Variants in KRT35 observed in about 807,000 individuals in gnomAD.
The protein encoded by KRT35 is keratin 35.
KRT35 carries 33 observed loss-of-function variants against 42.2 expected under a neutral mutation model. That is an observed-to-expected ratio of 0.78 (90% CI 0.59 to 1.05). The LOEUF (loss-of-function observed/expected upper bound fraction) is 1.05, where lower values mean the gene tolerates loss of function less well. Ranked by LOEUF, KRT35 falls within the 50% of genes least tolerant of loss-of-function variation. The pLI is 0.00. For missense variants in KRT35, 585 were observed against 589.2 expected, an observed-to-expected ratio of 0.99 and a Z score of 0.07; for synonymous variants, 218 against 238.2, an observed-to-expected ratio of 0.92 and a Z score of 0.78.
chr17:41,477,062 C>A lies in KRT35; in HGVS notation c.1362G>T (p.Arg454=). 1 of 1,565,324 alleles carries A rather than the reference C, an allele frequency of 6.4e-7. No individual in the cohort carries two copies. Among genetic ancestry groups the A allele is most frequent in the Non-Finnish European group, 8.6e-7 (1 of 1,161,040 alleles). Residue 454 remains arginine (R), a synonymous_variant, in exon 7 of 7, where the codon CGG becomes CGT. Coordinates refer to ENST00000246639, the MANE Select transcript of KRT35 (RefSeq NM_002280.6). The stretch of plus-strand genomic sequence containing the variant: ...CCATCTGGGTCACCCGCTCTCAGAA[C>A]CGACCCCCTGGGCAGGGCACACAAA... ...RPICVPCPGG[R]F
chr17:41,479,570 A>G (rs1597750167), intron 2 of KRT35, 67 bp from the exon 3 acceptor site: 1 of 1,588,172 alleles, frequency 6.3e-7, no homozygotes, highest in Non-Finnish European at 8.6e-7. Flanking sequence ...GCCTGCCCTC[A>G]GACTGTCCAG....
Position 41,478,408 on chromosome 17 carries a change from G to A in KRT35, c.952C>T (p.Arg318Cys), listed in dbSNP as rs368478762. Residue 318 changes from arginine to cysteine, a missense_variant, in exon 5 of 7, where the codon CGC (arginine) becomes TGC (cysteine). Coordinates refer to ENST00000246639, the MANE Select transcript of KRT35 (RefSeq NM_002280.6). ...TCAATCTCCAGGGCGTTGACCGTGCGTCTCAGCTCGATGATCTCTGCCTGG... is the reference window on the plus strand; with the variant it reads ...TCAATCTCCAGGGCGTTGACCGTGCATCTCAGCTCGATGATCTCTGCCTGG... ...SCQAEIIELR[R>C]TVNALEIELQ... 31 of 1,613,976 alleles carry A rather than the reference G, an allele frequency of 1.9e-5. No individual in the cohort carries two copies. Among genetic ancestry groups the A allele is most frequent in the Admixed American group, 1.7e-4 (10 of 60,008 alleles).
chr17:41,480,585 C>T (rs1484323122), intron 1 of KRT35, 42 bp downstream of exon 1: 3 of 1,491,348 alleles, frequency 2.0e-6, no homozygotes. Flanking sequence ...ATGCTGGTGA[C>T]ACAAAGTTCC....
chr17:41,480,473 G>C (rs991934787), intron 1 of KRT35, among the ~76,000 whole-genome samples, 154 bp downstream of exon 1: 3 of 152,186 alleles, frequency 2.0e-5, no homozygotes, highest in Non-Finnish European at 4.4e-5. Flanking sequence ...ATGGGCTAAT[G>C]ATACCTCCCT....
intron 1 of KRT35, among the ~76,000 whole-genome samples, chr17:41,480,179 C>G (rs77272377): frequency 6.6e-6 from 1 of 152,096 alleles, no homozygotes; most frequent in African/African-American, 2.4e-5. Context: ...TTGGGCCAGG[C>G]GAGAAGTGGA....
intron 4 of KRT35, 117 bp from the exon 5 acceptor site, chr17:41,478,603 T>C: frequency 1.5e-6 from 2 of 1,325,878 alleles, no homozygotes; most frequent in Non-Finnish European, 2.1e-6. Context: ...CCAGTCCCAC[T>C]CATTTATTTT....
rs753021122 is a variant in KRT35 at position 41,477,772 on chromosome 17, G to A, written c.1000-34C>T. Reference sequence around the variant, plus strand: ...GCAAGAGTTGTGTAGGGAGGAAAAAGGCTAGAGGTCAGAGAAGGAGCAAGG... The same window carrying A: ...GCAAGAGTTGTGTAGGGAGGAAAAAAGCTAGAGGTCAGAGAAGGAGCAAGG... On this transcript the variant is annotated intron_variant, in intron 5 of 6. Transcript: ENST00000246639. 3.8e-6 allele frequency: 6 copies of A among 1,596,258 alleles called. No individual in the cohort carries two copies. In the East Asian group the frequency reaches 1.1e-4, roughly 30 times the overall value.
chr17:41,478,712 T>A, intron 4 of KRT35, 122 bp downstream of exon 4: 1 of 1,193,474 alleles, frequency 8.4e-7, no homozygotes, highest in Non-Finnish European at 1.2e-6. Flanking sequence ...TGTTTTGACC[T>A]TGTCAGCAAG....
chr17:41,476,853 G>T lies in KRT35; in HGVS notation c.*203C>A. On this transcript the variant is annotated 3_prime_UTR_variant, in exon 7 of 7. Coordinates refer to ENST00000246639, the MANE Select transcript of KRT35 (RefSeq NM_002280.6). ...CCCTGGCACCCATTGAAATGATGAG[G>T]AGTTGAGACCTTTGGGGGCAGCCGG... The T allele has an allele frequency of 2.0e-6, 1 of 495,890 alleles. No individual in the cohort carries two copies. Among genetic ancestry groups the T allele is most frequent in the Non-Finnish European group, 3.5e-6 (1 of 287,862 alleles). The allele number at this position is 495,890 out of a possible 1,614,324, so 30.7% of individuals were successfully genotyped here. A position where few individuals can be genotyped will look rare whatever the true frequency, so the allele number is the denominator to read the frequency against.
rs1482940350 is a variant in KRT35 at position 41,479,220 on chromosome 17, A to C, written c.711+127T>G. 8 of 1,122,364 alleles carry C rather than the reference A, an allele frequency of 7.1e-6. No homozygotes were observed. The African/African-American group carries it at 1.1e-4, about 15-fold the overall frequency. 69.5% of individuals were successfully genotyped at this position (1,122,364 alleles called of 1,614,324 possible). On this transcript the variant is annotated intron_variant, in intron 3 of 6. Coordinates refer to ENST00000246639, the MANE Select transcript of KRT35 (RefSeq NM_002280.6). ...CATGCTCACCTCCTCTTCCCTATGC[A>C]CACCTGCTCCCTCATGTTCACCTCC...
intron 1 of KRT35, 69 bp from the exon 2 acceptor site, chr17:41,479,850 A>G: frequency 7.8e-7 from 1 of 1,275,858 alleles, no homozygotes; most frequent in East Asian, 2.3e-5. Context: ...CCTAAAGCTG[A>G]CAAGGGCTGA....
intron 5 of KRT35, 146 bp from the exon 6 acceptor site, chr17:41,477,884 A>T (rs2019200281): frequency 8.2e-7 from 1 of 1,220,494 alleles, no homozygotes; most frequent in Admixed American, 2.9e-5. Flanking sequence ...AGAGTTGTGT[A>T]GGGAGGAAAA....
Position 41,477,066 on chromosome 17 carries a change from C to A in KRT35, c.1358G>T (p.Gly453Val), listed in dbSNP as rs1275691059. ...CTGGGTCACCCGCTCTCAGAACCGA[C>A]CCCCTGGGCAGGGCACACAAATGGG... ...PRPICVPCPG[G>V]RF Residue 453 changes from glycine (G) to valine (V), a missense_variant, in exon 7 of 7, where the codon GGT becomes GTT. Coordinates refer to ENST00000246639, the MANE Select transcript of KRT35 (RefSeq NM_002280.6). 1.9e-6 allele frequency: 3 copies of A among 1,567,470 alleles called. No homozygotes were observed. The highest frequency in any genetic ancestry group is 2.6e-6 in the Non-Finnish European group (3 of 1,161,134).
Position 41,481,122 on chromosome 17 carries a change from G to A in KRT35, c.-25C>T. 1 of 1,537,322 alleles carries A rather than the reference G, an allele frequency of 6.5e-7. No homozygotes were observed. Among genetic ancestry groups the A allele is most frequent in the Non-Finnish European group, 8.8e-7 (1 of 1,129,958 alleles). ...TGGCCCCTGCAACTCAGATGCAATT[G>A]ATAGGTCTCTGAGGCCAGACACCCC... On this transcript the variant is annotated 5_prime_UTR_variant, in exon 1 of 7. Coordinates refer to ENST00000246639, the MANE Select transcript of KRT35 (RefSeq NM_002280.6).
rs201950157 is a variant in KRT35, at chr17:41,478,320, G to A, written c.999+41C>T. On this transcript the variant is annotated intron_variant, in intron 5 of 6. Transcript: ENST00000246639. ...AAGCTGGGGAGCTTGTGTGCTCCTCGGCTTGGTCCAGAGGCAGCTCCACCC... is the reference window on the plus strand; with the variant it reads ...AAGCTGGGGAGCTTGTGTGCTCCTCAGCTTGGTCCAGAGGCAGCTCCACCC... 2.3e-3 allele frequency: 3,710 copies of A among 1,601,002 alleles called. 9 individuals carry two copies. The highest frequency in any genetic ancestry group is 2.6e-3 in the Non-Finnish European group (3,020 of 1,173,564).
In KRT35 at chr17:41,477,842, G is replaced by C. The variant is rs1339330840; in HGVS notation, c.1000-104C>G. On this transcript the variant is annotated intron_variant, in intron 5 of 6. Coordinates refer to ENST00000246639, the MANE Select transcript of KRT35 (RefSeq NM_002280.6). ...TATAGCGGGCCTCCGTCTCTGCCAG[G>C]GTGGATTCCAAAGCATCTCTCTGTG... 7.1e-6 allele frequency: 10 copies of C among 1,407,782 alleles called. No homozygotes were observed. In the East Asian group the frequency reaches 2.2e-4, roughly 32 times the overall value. The allele number at this position is 1,407,782 out of a possible 1,614,324, so 87.2% of individuals were successfully genotyped here.
intron 1 of KRT35, 93 bp downstream of exon 1, chr17:41,480,534 G>A: frequency 1.0e-6 from 1 of 960,314 alleles, no homozygotes; most frequent in East Asian, 2.4e-5. Flanking sequence ...AACATGCTTG[G>A]TGACTTCCAA....
At chr17:41,480,429 AC>A (rs5820407) in intron 1 of KRT35, among the ~76,000 whole-genome samples, 197 bp downstream of exon 1, 89,090 of 151,982 alleles carry the variant, frequency 0.59, 26,713 homozygotes, top group African/African-American at 0.7. Flanking sequence ...TGGGTCGCTT[AC>A]CCAGCCTGAA....
intron 5 of KRT35, 145 bp from the exon 6 acceptor site, chr17:41,477,883 T>C (rs1013283886): frequency 1.6e-6 from 2 of 1,226,686 alleles, no homozygotes; most frequent in South Asian, 1.6e-5. Flanking sequence ...AAGAGTTGTG[T>C]AGGGAGGAAA....
Sources: allele counts gnomAD v4.1 joint callset (sites outside exome capture counted in the v4.1 genomes callset), GRCh38; gene constraint gnomAD v4.1.1; transcripts MANE v1.5; gene names NCBI Gene and HGNC (gene_info 2026-07-23, HGNC 2026-07-21).